Variants in ANK3 observed in about 807,000 individuals in gnomAD.
The protein encoded by ANK3 is ankyrin 3.
A neutral mutation model predicts 370.9 loss-of-function variants in ANK3; 57 were observed. The ratio of observed to expected loss-of-function variants is 0.15; its 90% confidence interval spans 0.12 to 0.19. ANK3 has a LOEUF of 0.19. Ranked by LOEUF, ANK3 falls within the 10% of genes least tolerant of loss-of-function variation. ANK3 has a pLI of 1.00. For missense variants in ANK3, 4,439 were observed against 5,302.1 expected (o/e 0.84, Z 5.06); for synonymous variants, 1,929 against 1,946.3 (o/e 0.99, Z 0.23).
chr10:60,639,862 C>G lies in ANK3; in HGVS notation c.58-24638G>C, dbSNP rs189460657. ...ATAAGAGATGTAAACCAAATCATAT[C>G]AGTAATTACATTTACCATAAATCAT... is the stretch of plus-strand genomic sequence containing the variant. On this transcript the variant is annotated intron_variant, in intron 1 of 43. Coordinates refer to the ANK3 transcript ENST00000373827. Among the ~76,000 whole-genome samples the G allele has an allele frequency of 4.4e-4, 67 of 151,966 alleles. 1 individual carries two copies. The highest frequency in any genetic ancestry group is 3.3e-4 in the Admixed American group (5 of 15,236).
At chr10:60,341,655 T>C (rs546835376) in intron 1 of ANK3, among the ~76,000 whole-genome samples, 1 of 152,224 alleles carries the variant, frequency 6.6e-6, no homozygotes, top group African/African-American at 2.4e-5. Flanking sequence ...CATTTAAGGG[T>C]AGAGATCGTG....
chr10:60,369,097 T>TA (rs112252854), intron 1 of ANK3, among the ~76,000 whole-genome samples: 15,193 of 151,470 alleles, frequency 0.1, 829 homozygotes, highest in South Asian at 0.13. Flanking sequence ...TACTTCGGTT[T>TA]AAAAAAAAAC....
At chr10:60,402,541 T>C (rs890643164) in intron 2 of ANK3, among the ~76,000 whole-genome samples, 4 of 152,228 alleles carry the variant, frequency 2.6e-5, no homozygotes, top group African/African-American at 9.6e-5. Flanking sequence ...TGGTGAACTA[T>C]ATTTTTCCTC....
At chr10:60,629,299 C>G (rs1271595655) in intron 1 of ANK3, among the ~76,000 whole-genome samples, 1 of 152,066 alleles carries the variant, frequency 6.6e-6, no homozygotes, top group Non-Finnish European at 1.5e-5. Flanking sequence ...AGTTAAATGG[C>G]TGCTAAAAAC....
intron 1 of ANK3, among the ~76,000 whole-genome samples, chr10:60,310,528 G>C (rs1390186016): frequency 6.6e-6 from 1 of 152,142 alleles, no homozygotes; most frequent in Non-Finnish European, 1.5e-5. Flanking sequence ...TGAGAAAAAA[G>C]AGTGAATAAT....
chr10:60,081,257 G>T (rs2085153016), intron 35 of ANK3, among the ~76,000 whole-genome samples: 1 of 152,098 alleles, frequency 6.6e-6, no homozygotes. Flanking sequence ...GCTAATTTTT[G>T]TATTTTTAGT....
At chr10:60,547,977 A>G (rs1045553925) in intron 2 of ANK3, among the ~76,000 whole-genome samples, 2 of 152,180 alleles carry the variant, frequency 1.3e-5, no homozygotes, top group Non-Finnish European at 2.9e-5. Flanking sequence ...TAAAATTACA[A>G]GATACTGCAA....
At chr10:60,282,506 GCA>G (rs145255506) in intron 1 of ANK3, among the ~76,000 whole-genome samples, 310 of 150,516 alleles carry the variant, frequency 2.1e-3, no homozygotes, top group Non-Finnish European at 2.9e-3. Context: ...TTCAACAATT[GCA>G]CACACACACA....
chr10:60,303,765 C>A (rs573382513), intron 1 of ANK3, among the ~76,000 whole-genome samples: 5 of 152,062 alleles, frequency 3.3e-5, no homozygotes, highest in Non-Finnish European at 7.4e-5. Flanking sequence ...AAAATCAATA[C>A]CTCAAAGAGA....
intron 1 of ANK3, among the ~76,000 whole-genome samples, chr10:60,308,525 C>T (rs1441602184): frequency 6.6e-6 from 1 of 152,012 alleles, no homozygotes; most frequent in Admixed American, 6.5e-5. Context: ...ATCTGCCTGC[C>T]TCGGCCTCCC....
intron 2 of ANK3, among the ~76,000 whole-genome samples, chr10:60,549,140 TAC>T (rs3047236): frequency 0.46 from 66,489 of 145,224 alleles, 14,945 homozygotes; most frequent in Middle Eastern, 0.52. Flanking sequence ...GCATGTTTCA[TAC>T]ACACACACAC....
chr10:60,695,679 A>C (rs1589040868), intron 1 of ANK3, among the ~76,000 whole-genome samples: 1 of 152,338 alleles, frequency 6.6e-6, no homozygotes, highest in South Asian at 2.1e-4. Flanking sequence ...TGAAGGCAGA[A>C]ATAAAGATGT....
intron 2 of ANK3, among the ~76,000 whole-genome samples, chr10:60,563,588 G>C (rs1244722407): frequency 3.3e-5 from 5 of 152,172 alleles, no homozygotes; most frequent in African/African-American, 4.8e-5. Flanking sequence ...GATGAATAAA[G>C]ACTATAAATA....
intron 28 of ANK3, among the ~76,000 whole-genome samples, chr10:60,104,921 G>A (rs985969537): frequency 1.3e-4 from 20 of 152,174 alleles, no homozygotes; most frequent in Admixed American, 9.2e-4. Flanking sequence ...AAGAAAGACA[G>A]GCTCACAGAG....
At chr10:60,396,638 T>C (rs1344406935) in intron 2 of ANK3, among the ~76,000 whole-genome samples, 2 of 152,324 alleles carry the variant, frequency 1.3e-5, no homozygotes, top group African/African-American at 4.8e-5. Context: ...TGTTGTTTCA[T>C]AGTCAAATGT....
At chr10:60,702,261 G>A (rs2133419308) in intron 1 of ANK3, among the ~76,000 whole-genome samples, 1 of 130,724 alleles carries the variant, frequency 7.6e-6, no homozygotes, top group African/African-American at 3.0e-5. Context: ...ACAAGACCCT[G>A]TCTCAAAAAA....
intron 2 of ANK3, among the ~76,000 whole-genome samples, chr10:60,549,468 A>G (rs1173934609): frequency 6.6e-6 from 1 of 152,176 alleles, no homozygotes; most frequent in Non-Finnish European, 1.5e-5. Context: ...CGTGCTGTTT[A>G]GAGAACAATC....
chr10:60,134,398 C>T (rs754731508), intron 24 of ANK3, 25 bp from the exon 25 acceptor site: 6 of 1,572,334 alleles, frequency 3.8e-6, no homozygotes, highest in South Asian at 3.4e-5. Flanking sequence ...GTTAACCATT[C>T]AACAGTGGTA....
At chr10:60,671,892 C>T (rs1220828848) in intron 1 of ANK3, among the ~76,000 whole-genome samples, 2 of 152,162 alleles carry the variant, frequency 1.3e-5, no homozygotes, top group Non-Finnish European at 2.9e-5. Context: ...CACTGGCTTG[C>T]CAGGCTTACA....
Sources: allele counts gnomAD v4.1 joint callset (sites outside exome capture counted in the v4.1 genomes callset), GRCh38; gene constraint gnomAD v4.1.1; transcripts MANE v1.5; gene names NCBI Gene and HGNC (gene_info 2026-07-23, HGNC 2026-07-21).